Variants in FILIP1L observed in about 807,000 individuals in gnomAD.
FILIP1L encodes the protein filamin A interacting protein 1 like, also known as filamin A-interacting protein 1-like.
In FILIP1L, 55 loss-of-function variants were observed where a neutral mutation model predicts 96.6. That is an observed-to-expected ratio of 0.57 (90% confidence interval 0.46 to 0.71). The LOEUF is 0.71. FILIP1L is among the 30% of genes least tolerant of loss of function. The pLI is 0.00. For missense variants in FILIP1L, 1,304 were observed against 1,321.2 expected, an observed-to-expected ratio of 0.99 and a Z score of 0.20; for synonymous variants, 467 against 473.9, an observed-to-expected ratio of 0.99 and a Z score of 0.19.
intron 4 of FILIP1L, among the ~76,000 whole-genome samples, chr3:99,853,371 A>C (rs972063322): frequency 6.6e-6 from 1 of 152,198 alleles, no homozygotes; most frequent in Admixed American, 6.5e-5. Flanking sequence ...TTAAATATTT[A>C]TTTTCAACTT....
At chr3:100,113,981 G>T (rs1435271180) in intron 1 of FILIP1L, 72 bp downstream of exon 1, 2 of 152,020 alleles carry the variant, frequency 1.3e-5, no homozygotes, top group South Asian at 4.2e-4. Context: ...GGTGTTGGCC[G>T]CTCCTAGCTG....
intron 1 of FILIP1L, among the ~76,000 whole-genome samples, chr3:100,049,749 T>G (rs2065338706): frequency 6.6e-6 from 1 of 152,234 alleles, no homozygotes; most frequent in Non-Finnish European, 1.5e-5. Flanking sequence ...TACTTTCTCT[T>G]CCTTATGATT....
At chr3:99,918,972 G>A (rs550595415) in intron 4 of FILIP1L, among the ~76,000 whole-genome samples, 1 of 152,292 alleles carries the variant, frequency 6.6e-6, no homozygotes, top group South Asian at 2.1e-4. Flanking sequence ...GGAAATGATT[G>A]CATTTGAGTA....
chr3:99,868,135 C>T (rs991265844), intron 4 of FILIP1L, among the ~76,000 whole-genome samples: 1 of 152,140 alleles, frequency 6.6e-6, no homozygotes, highest in Non-Finnish European at 1.5e-5. Flanking sequence ...TTTGCAGTCA[C>T]CAGCTCTCTT....
At position 99,931,002 on chromosome 3, in the gene FILIP1L, C is replaced by G. The variant is rs753432256; in HGVS notation, c.19G>C (p.Asp7His). MRSRGS[D>H]TEGSAQKKFP... ...TTCTTTTGGGCTGAGCCCTCGGTATCACTGCCTCTGGAACGCATTCTTTAA... is the reference window on the plus strand; with the variant it reads ...TTCTTTTGGGCTGAGCCCTCGGTATGACTGCCTCTGGAACGCATTCTTTAA... The change falls in exon 2 of 6, where the codon GAT becomes CAT. Residue 7 changes from aspartate to histidine, a missense_variant. Transcript: ENST00000477258. 231 of 1,613,598 alleles carry G rather than the reference C, an allele frequency of 1.4e-4. No homozygotes were observed. The highest frequency in any genetic ancestry group is 1.3e-4 in the Non-Finnish European group (148 of 1,179,928).
At chr3:100,058,042 A>G (rs2065495582) in intron 1 of FILIP1L, among the ~76,000 whole-genome samples, 1 of 152,262 alleles carries the variant, frequency 6.6e-6, no homozygotes, top group Admixed American at 6.5e-5. Flanking sequence ...CTCATGCCTC[A>G]AAGTAATCCC....
chr3:100,102,301 A>G (rs188779098), intron 1 of FILIP1L, among the ~76,000 whole-genome samples: 1 of 152,120 alleles, frequency 6.6e-6, no homozygotes, highest in African/African-American at 2.4e-5. Flanking sequence ...TGACTTTTTA[A>G]TGATCGCCAT....
At chr3:100,111,308 T>C (rs561505642) in intron 1 of FILIP1L, among the ~76,000 whole-genome samples, 2 of 152,292 alleles carry the variant, frequency 1.3e-5, no homozygotes, top group African/African-American at 4.8e-5. Flanking sequence ...TGAGTACTCA[T>C]GTTGAAAATG....
At chr3:100,099,387 T>C (rs945252251) in intron 1 of FILIP1L, among the ~76,000 whole-genome samples, 4 of 152,162 alleles carry the variant, frequency 2.6e-5, no homozygotes, top group African/African-American at 9.7e-5. Flanking sequence ...GCTATCACTT[T>C]CCAAATTTTC....
At chr3:99,924,688 T>G (rs1707235418) in intron 3 of FILIP1L, among the ~76,000 whole-genome samples, 1 of 152,008 alleles carries the variant, frequency 6.6e-6, no homozygotes, top group Non-Finnish European at 1.5e-5. Context: ...CCAACTAATT[T>G]TTTTTGTACT....
chr3:100,077,997 G>A (rs186651465), intron 1 of FILIP1L, among the ~76,000 whole-genome samples: 96 of 151,892 alleles, frequency 6.3e-4, no homozygotes, highest in African/African-American at 2.0e-3. Flanking sequence ...AATGTCAGTC[G>A]TTTAACAGCC....
chr3:99,983,473 T>C (rs1353556421), intron 1 of FILIP1L, among the ~76,000 whole-genome samples: 2 of 18,562 alleles, frequency 1.1e-4, no homozygotes, highest in Non-Finnish European at 2.0e-4. Context: ...TGTATATATA[T>C]ATATATATAT....
chr3:99,904,469 T>C (rs542672829), intron 4 of FILIP1L, among the ~76,000 whole-genome samples: 70 of 152,330 alleles, frequency 4.6e-4, no homozygotes, highest in South Asian at 3.5e-3. Flanking sequence ...TTTAAAAATA[T>C]ATTTACTATG....
chr3:100,016,108 C>T (rs1271913769), intron 1 of FILIP1L, among the ~76,000 whole-genome samples: 4 of 152,116 alleles, frequency 2.6e-5, no homozygotes, highest in Non-Finnish European at 4.4e-5. Flanking sequence ...TCCTTGCAGG[C>T]CGTTTTGTGG....
rs1420396845 is a variant in FILIP1L at position 99,983,422 on chromosome 3, ATG to A, written c.-10-52394_-10-52393del. On this transcript the variant is annotated intron_variant, in intron 1 of 5. Coordinates refer to ENST00000477258, the MANE Select transcript of FILIP1L (RefSeq NM_001387850.1). Reference sequence around the variant, plus strand: ...TATATATATATATATATATATATGTATGTATGTATGTATATATATGTATGTAT... The same window carrying A: ...TATATATATATATATATATATATGTATATGTATGTATATATATGTATGTAT... 6.9e-4 allele frequency among the ~76,000 whole-genome samples: 60 copies of A among 86,916 alleles called. 1 individual carries two copies. Among genetic ancestry groups the A allele is most frequent in the African/African-American group, 2.0e-3 (38 of 18,584 alleles). The allele number at this position is 86,916 out of a possible 152,430, so 57.0% of individuals were successfully genotyped here. A position where few individuals can be genotyped will look rare whatever the true frequency, so the allele number is the denominator to read the frequency against.
intron 1 of FILIP1L, among the ~76,000 whole-genome samples, chr3:100,080,907 A>G (rs774354643): frequency 2.6e-5 from 4 of 152,184 alleles, no homozygotes; most frequent in Non-Finnish European, 5.9e-5. Context: ...AAACCAGCCC[A>G]TGGTTCTGTC....
chr3:99,845,445 C>CTA (rs1321554666), intron 5 of FILIP1L, among the ~76,000 whole-genome samples: 1 of 152,128 alleles, frequency 6.6e-6, no homozygotes, highest in Non-Finnish European at 1.5e-5. Flanking sequence ...AACAGTCTAT[C>CTA]TTCTGTGAGC....
intron 4 of FILIP1L, among the ~76,000 whole-genome samples, chr3:99,880,120 G>C (rs1705673677): frequency 6.6e-6 from 1 of 152,268 alleles, no homozygotes; most frequent in South Asian, 2.1e-4. Context: ...GAAGGCTGAA[G>C]GGACCTGTAG....
chr3:99,921,982 C>T (rs1322655232), intron 4 of FILIP1L, among the ~76,000 whole-genome samples: 1 of 152,178 alleles, frequency 6.6e-6, no homozygotes, highest in African/African-American at 2.4e-5. Context: ...ATAGCCCTCT[C>T]CAGCCTTCCT....
Sources: allele counts gnomAD v4.1 joint callset (sites outside exome capture counted in the v4.1 genomes callset), GRCh38; gene constraint gnomAD v4.1.1; transcripts MANE v1.5; gene names NCBI Gene and HGNC (gene_info 2026-07-23, HGNC 2026-07-21).